RAP1A: variants seen among roughly 807,000 people sequenced by gnomAD.
The protein encoded by RAP1A is RAP1A, member of RAS oncogene family.
A neutral mutation model predicts 26.4 loss-of-function variants in RAP1A; 6 were observed. The observed-to-expected ratio is 0.23, with a 90% CI of 0.12 to 0.45. The LOEUF (loss-of-function observed/expected upper bound fraction) is 0.45. Ranked by LOEUF, RAP1A falls within the 20% of genes least tolerant of loss-of-function variation. RAP1A has a pLI of 0.99. For synonymous variants in RAP1A, 73 were observed against 79.4 expected (o/e 0.92, Z 0.43); for missense variants, 121 against 217.2 (o/e 0.56, Z 2.78).
chr1:111,553,352 G>C (rs1657348882), intron 1 of RAP1A, among the ~76,000 whole-genome samples: 1 of 152,182 alleles, frequency 6.6e-6, no homozygotes, highest in Admixed American at 6.5e-5. Flanking sequence ...TCACCTCTGT[G>C]GAATTTGAGG....
intron 1 of RAP1A, among the ~76,000 whole-genome samples, chr1:111,622,580 A>C (rs1659251805): frequency 1.3e-5 from 2 of 152,212 alleles, no homozygotes. Context: ...TCTTAAGACT[A>C]GGTTATACTG....
At chr1:111,575,737 G>T (rs1425843984) in intron 1 of RAP1A, among the ~76,000 whole-genome samples, 1 of 152,100 alleles carries the variant, frequency 6.6e-6, no homozygotes, top group East Asian at 1.9e-4. Context: ...CACCAAACCT[G>T]CTGACACCTT....
Position 111,653,691 on chromosome 1 carries a change from A to G in RAP1A, c.-28+33757A>G, listed in dbSNP as rs1660354688. ...AGAGCGAAACTCTGTCTCAAAAAAAAAAAAAAAAAAAAAAAAAAGGTGGAT... is the reference window on the plus strand; with the variant it reads ...AGAGCGAAACTCTGTCTCAAAAAAAGAAAAAAAAAAAAAAAAAAGGTGGAT... On this transcript the variant is annotated intron_variant, in intron 1 of 7. Coordinates refer to ENST00000369709, the MANE Select transcript of RAP1A (RefSeq NM_002884.4). Among the ~76,000 whole-genome samples, 4 of 115,118 alleles carry G rather than the reference A, an allele frequency of 3.5e-5. No individual in the cohort carries two copies. In the Admixed American group the frequency reaches 3.5e-4, roughly 10 times the overall value. The allele number at this position is 115,118 out of a possible 152,430, so 75.5% of individuals were successfully genotyped here. A position where few individuals can be genotyped will look rare whatever the true frequency, so the allele number is the denominator to read the frequency against.
At chr1:111,553,225 C>T (rs1309298894) in intron 1 of RAP1A, among the ~76,000 whole-genome samples, 2 of 152,162 alleles carry the variant, frequency 1.3e-5, no homozygotes, top group African/African-American at 4.8e-5. Context: ...ATGTCTTTCT[C>T]CAAGGCAAAG....
At chr1:111,708,803 G>A (rs557733284) in intron 6 of RAP1A, among the ~76,000 whole-genome samples, 17 of 152,080 alleles carry the variant, frequency 1.1e-4, no homozygotes, top group Non-Finnish European at 2.2e-4. Context: ...AGTAAAAGTG[G>A]CAAAATGTTA....
intron 1 of RAP1A, among the ~76,000 whole-genome samples, chr1:111,573,127 A>G (rs1049649584): frequency 6.6e-6 from 1 of 152,004 alleles, no homozygotes; most frequent in Admixed American, 6.6e-5. Context: ...TATGTACCAC[A>G]TTTTCTTTAT....
chr1:111,693,125 TCTTTA>T (rs1661717486), intron 2 of RAP1A, among the ~76,000 whole-genome samples: 1 of 152,128 alleles, frequency 6.6e-6, no homozygotes, highest in South Asian at 2.1e-4. Flanking sequence ...GAAGAAGGTG[TCTTTA>T]CTTGATTCCT....
chr1:111,601,110 G>A (rs1451213361), intron 1 of RAP1A, among the ~76,000 whole-genome samples: 1 of 152,190 alleles, frequency 6.6e-6, no homozygotes, highest in Non-Finnish European at 1.5e-5. Context: ...CCTCAGTGAG[G>A]TCCACATACT....
rs1052593333 is a variant in RAP1A at position 111,715,911 on chromosome 1, G to C, written c.*3510G>C. ...TGTATTTGTCAGTTTATGTGCCTCA[G>C]TTTTGTCTTAGGCACTGAGGGACAG... On this transcript the variant is annotated 3_prime_UTR_variant, in exon 8 of 8. Coordinates refer to ENST00000369709, the MANE Select transcript of RAP1A (RefSeq NM_002884.4). 6.6e-6 allele frequency: 1 copy of C among 152,168 alleles called. No homozygotes were observed. Among genetic ancestry groups the C allele is most frequent in the African/African-American group, 2.4e-5 (1 of 41,444 alleles). 9.4% of individuals were successfully genotyped at this position (152,168 alleles called of 1,614,324 possible). A position where few individuals can be genotyped will look rare whatever the true frequency, so the allele number is the denominator to read the frequency against.
intron 1 of RAP1A, among the ~76,000 whole-genome samples, chr1:111,606,816 G>A (rs572877644): frequency 6.6e-6 from 1 of 152,266 alleles, no homozygotes; most frequent in African/African-American, 2.4e-5. Context: ...TTCCTTTTTA[G>A]GCAGAGTAGA....
chr1:111,708,345 T>A (rs1265021893), intron 6 of RAP1A, among the ~76,000 whole-genome samples: 1 of 152,248 alleles, frequency 6.6e-6, no homozygotes, highest in Non-Finnish European at 1.5e-5. Flanking sequence ...TCTTTTGTCC[T>A]ATTTTAGACA....
intron 1 of RAP1A, among the ~76,000 whole-genome samples, chr1:111,555,580 A>G (rs965967775): frequency 1.3e-5 from 2 of 152,072 alleles, no homozygotes; most frequent in African/African-American, 4.8e-5. Context: ...ACTACAAAAT[A>G]TTAAGAAACA....
intron 1 of RAP1A, among the ~76,000 whole-genome samples, chr1:111,688,297 GTGTA>G (rs1203778372): frequency 3.8e-5 from 5 of 132,768 alleles, no homozygotes; most frequent in African/African-American, 1.4e-4. Context: ...GTGTGTGTGT[GTGTA>G]TATATATTTT....
chr1:111,658,288 T>C (rs1001325076), intron 1 of RAP1A, among the ~76,000 whole-genome samples: 3 of 152,118 alleles, frequency 2.0e-5, no homozygotes, highest in African/African-American at 7.2e-5. Context: ...ACATATCTCC[T>C]AGCTGTGATC....
chr1:111,609,035 G>C (rs1658871926), intron 1 of RAP1A, among the ~76,000 whole-genome samples: 1 of 152,330 alleles, frequency 6.6e-6, no homozygotes, highest in Admixed American at 6.5e-5. Context: ...ACTCATTAAA[G>C]TCAGCAAATG....
At chr1:111,699,479 T>C (rs112285889) in intron 4 of RAP1A, among the ~76,000 whole-genome samples, 2 of 139,024 alleles carry the variant, frequency 1.4e-5, no homozygotes, top group Non-Finnish European at 3.1e-5. Context: ...TTTTTTTTTT[T>C]GAAACAGGGT....
chr1:111,675,633 A>AT (rs1026482354), intron 1 of RAP1A, among the ~76,000 whole-genome samples: 3 of 152,088 alleles, frequency 2.0e-5, no homozygotes, highest in African/African-American at 7.2e-5. Flanking sequence ...CATACTTTTC[A>AT]TTTTTGTTTC....
At chr1:111,613,021 C>T (rs1658951183) in intron 1 of RAP1A, among the ~76,000 whole-genome samples, 1 of 152,116 alleles carries the variant, frequency 6.6e-6, no homozygotes, top group Non-Finnish European at 1.5e-5. Flanking sequence ...CAAGGCTGAA[C>T]AGCTAGTGGC....
chr1:111,567,365 A>G (rs756658393), intron 1 of RAP1A, among the ~76,000 whole-genome samples: 1 of 152,130 alleles, frequency 6.6e-6, no homozygotes, highest in Non-Finnish European at 1.5e-5. Flanking sequence ...GTGCCCCATG[A>G]AGCTGGAAAC....
Sources: gnomAD v4.1 joint callset for allele counts (sites outside exome capture counted in the v4.1 genomes callset) on GRCh38, gnomAD v4.1.1 for gene constraint, MANE v1.5 for transcripts, NCBI Gene and HGNC (gene_info 2026-07-23, HGNC 2026-07-21) for gene names.